The following TXNRD1 variants were observed in gnomAD, a reference collection of about 807,000 sequenced individuals.
TXNRD1 encodes the protein thioredoxin reductase 1, cytoplasmic.
In TXNRD1, 57 loss-of-function variants were observed where a neutral mutation model predicts 80.3. That is an observed-to-expected ratio of 0.71 (90% CI 0.57 to 0.89). The LOEUF (loss-of-function observed/expected upper bound fraction) is 0.89, where lower values mean the gene tolerates loss of function less well. Ranked by LOEUF, TXNRD1 falls within the 40% of genes least tolerant of loss-of-function variation. The pLI is 0.00. For synonymous variants in TXNRD1, 291 were observed against 285.2 expected, an observed-to-expected ratio of 1.02 and a Z score of -0.20; for missense variants, 730 against 803.0, an observed-to-expected ratio of 0.91 and a Z score of 1.10.
At chr12:104,311,478 C>T (rs2035131100) in intron 5 of TXNRD1, 66 bp downstream of exon 5, 3 of 1,567,886 alleles carry the variant, frequency 1.9e-6, no homozygotes, top group African/African-American at 1.4e-5. Flanking sequence ...ACATCCCTGA[C>T]AGGGTTCTCT....
chr12:104,255,646 A>G (rs2033231706), intron 2 of TXNRD1, among the ~76,000 whole-genome samples: 1 of 152,122 alleles, frequency 6.6e-6, no homozygotes, highest in Non-Finnish European at 1.5e-5. Context: ...TACAAAAATT[A>G]GCCGGGCTTG....
Position 104,325,748 on chromosome 12 carries a change from T to C in TXNRD1, c.1308+319T>C, listed in dbSNP as rs569086850. ...TTAGCCGGGCGTGGTGGCGTGCGCC[T>C]GTAGTCCCAGCTATTCGGGACGTTG... On this transcript the variant is annotated intron_variant, in intron 11 of 16. Transcript: ENST00000525566. Among the ~76,000 whole-genome samples, 3 of 152,218 alleles carry C rather than the reference T, an allele frequency of 2.0e-5. No individual in the cohort carries two copies. The East Asian group carries it at 5.8e-4, about 29-fold the overall frequency.
At chr12:104,292,330 G>A (rs1353248940) in intron 4 of TXNRD1, among the ~76,000 whole-genome samples, 1 of 151,946 alleles carries the variant, frequency 6.6e-6, no homozygotes, top group African/African-American at 2.4e-5. Flanking sequence ...GCATGCCCAG[G>A]CTTTACCCGA....
At position 104,334,349 on chromosome 12, in the gene TXNRD1, A is replaced by G. The variant is rs370088745; in HGVS notation, c.1746+17A>G. On this transcript the variant is annotated intron_variant, in intron 15 of 16. Coordinates refer to ENST00000525566, the MANE Select transcript of TXNRD1 (RefSeq NM_001093771.3). ...AAAGACAATGTAAGTTTAATTCTCA[A>G]TCCTTTCCAGTAATTTTATTTAGTT... 87 of 1,342,722 alleles carry G rather than the reference A, an allele frequency of 6.5e-5. No individual in the cohort carries two copies. The highest frequency in any genetic ancestry group is 7.6e-5 in the Non-Finnish European group (76 of 1,002,220). 83.2% of individuals were successfully genotyped at this position (1,342,722 alleles called of 1,614,324 possible). A position where few individuals can be genotyped will look rare whatever the true frequency, so the allele number is the denominator to read the frequency against.
intron 1 of TXNRD1, among the ~76,000 whole-genome samples, chr12:104,221,507 A>T (rs2032358268): frequency 6.6e-6 from 1 of 151,984 alleles, no homozygotes; most frequent in African/African-American, 2.4e-5. Flanking sequence ...TGTAAAGACA[A>T]GGGTTTCTCC....
intron 4 of TXNRD1, among the ~76,000 whole-genome samples, chr12:104,293,602 C>T (rs144330502): frequency 6.6e-6 from 1 of 152,286 alleles, no homozygotes; most frequent in African/African-American, 2.4e-5. Context: ...AAGCGCACAC[C>T]ACCTCACCCA....
chr12:104,287,869 T>C (rs1174114187), intron 3 of TXNRD1, among the ~76,000 whole-genome samples: 1 of 152,248 alleles, frequency 6.6e-6, no homozygotes, highest in African/African-American at 2.4e-5. Context: ...GGCCTGGTAA[T>C]ACTTACTTGT....
intron 4 of TXNRD1, among the ~76,000 whole-genome samples, chr12:104,296,652 T>G (rs919047335): frequency 1.3e-5 from 2 of 152,260 alleles, no homozygotes; most frequent in African/African-American, 4.8e-5. Context: ...ATACCTAGTG[T>G]GCATTCAGTA....
At chr12:104,216,336 C>A (rs1476067182) in intron 1 of TXNRD1, among the ~76,000 whole-genome samples, 1 of 152,250 alleles carries the variant, frequency 6.6e-6, no homozygotes, top group Non-Finnish European at 1.5e-5. Context: ...TCTCCAGAAG[C>A]CCCCGGCCCA....
Position 104,313,236 on chromosome 12 carries a change from A to G in TXNRD1, c.538-9A>G. Reference sequence around the variant, plus strand: ...CTTTCCAACTCACTTTAATAATTTTATTTTCCAGGAGGCAGCCCAATATGG... The same window carrying G: ...CTTTCCAACTCACTTTAATAATTTTGTTTTCCAGGAGGCAGCCCAATATGG... On this transcript the variant is annotated splice_polypyrimidine_tract_variant and intron_variant, in intron 5 of 16. Coordinates refer to ENST00000525566, the MANE Select transcript of TXNRD1 (RefSeq NM_001093771.3). 1 of 1,569,336 alleles carries G rather than the reference A, an allele frequency of 6.4e-7. No homozygotes were observed. Among genetic ancestry groups the G allele is most frequent in the Non-Finnish European group, 8.7e-7 (1 of 1,155,242 alleles).
intron 4 of TXNRD1, chr12:104,303,658 G>A (rs946293345): frequency 2.2e-6 from 1 of 445,760 alleles, no homozygotes; most frequent in Non-Finnish European, 3.9e-6. Flanking sequence ...CTCGGCTTGT[G>A]GCTGGGCCGG....
At chr12:104,333,999 G>A (rs979881898) in intron 14 of TXNRD1, 21 of 261,196 alleles carry the variant, frequency 8.0e-5, no homozygotes, top group Non-Finnish European at 1.3e-4. Flanking sequence ...TATTAGTTAG[G>A]GTGTACTATT....
At chr12:104,313,210 C>G (rs764023998) in intron 5 of TXNRD1, 35 bp from the exon 6 acceptor site, 21 of 1,521,220 alleles carry the variant, frequency 1.4e-5, no homozygotes, top group South Asian at 7.2e-5. Context: ...GTCATGTTAA[C>G]CTTTCCAACT....
intron 4 of TXNRD1, among the ~76,000 whole-genome samples, chr12:104,290,510 C>T (rs7974725): frequency 0.22 from 32,841 of 150,804 alleles, 3,661 homozygotes; most frequent in Middle Eastern, 0.3. Context: ...CTGGGCAACA[C>T]GGTGAAACCC....
At chr12:104,264,005 G>C (rs912369860) in intron 3 of TXNRD1, among the ~76,000 whole-genome samples, 8 of 152,144 alleles carry the variant, frequency 5.3e-5, no homozygotes, top group African/African-American at 1.9e-4. Context: ...TGCTTCCCTA[G>C]TTGCCTCTTT....
At chr12:104,297,162 G>A (rs1223045105) in intron 4 of TXNRD1, among the ~76,000 whole-genome samples, 4 of 151,616 alleles carry the variant, frequency 2.6e-5, no homozygotes, top group Non-Finnish European at 4.4e-5. Flanking sequence ...AAAATTAGCC[G>A]GGTGTGTTGG....
chr12:104,217,515 G>A (rs1176890383), intron 1 of TXNRD1, among the ~76,000 whole-genome samples: 5 of 151,922 alleles, frequency 3.3e-5, no homozygotes, highest in Non-Finnish European at 7.4e-5. Flanking sequence ...TCACCATGTT[G>A]GTCAGGCTGG....
rs777042997 is a variant in TXNRD1 at position 104,327,556 on chromosome 12, T to C, written c.1427T>C (p.Val476Ala). The C allele has an allele frequency of 6.2e-7, 1 of 1,613,588 alleles. No individual in the cohort carries two copies. Among genetic ancestry groups the C allele is most frequent in the African/African-American group, 1.3e-5 (1 of 74,862 alleles). Residue 476 changes from valine to alanine, a missense_variant, in exon 13 of 17, where the codon GTG (valine) becomes GCG (alanine). Transcript: ENST00000525566. ...GTCACAGATGAAGAACAGACCAATG[T>C]GCCTTACATCTATGCCATTGGCGAT... Reference protein sequence around the residue: ...IPVTDEEQTNVPYIYAIGDIL... With the variant: ...IPVTDEEQTNAPYIYAIGDIL...
intron 1 of TXNRD1, among the ~76,000 whole-genome samples, chr12:104,239,670 C>T (rs2032818111): frequency 6.6e-6 from 1 of 151,804 alleles, no homozygotes; most frequent in Admixed American, 6.6e-5. Context: ...TTAGTAGAGT[C>T]AGGGGTTTCA....
Sources: gnomAD v4.1 joint callset for allele counts (sites outside exome capture counted in the v4.1 genomes callset) on GRCh38, gnomAD v4.1.1 for gene constraint, MANE v1.5 for transcripts, NCBI Gene and HGNC (gene_info 2026-07-23, HGNC 2026-07-21) for gene names.